PRKG1: variants seen among roughly 807,000 people sequenced by gnomAD.
PRKG1 encodes cGMP-dependent protein kinase 1.
Under a neutral mutation model 88.1 loss-of-function variants are expected in PRKG1, and 35 were observed. The observed-to-expected ratio is 0.40, with a 90% CI of 0.30 to 0.53. The LOEUF is 0.53. PRKG1 is among the 20% of genes least tolerant of loss of function. The pLI, the probability that PRKG1 is intolerant of heterozygous loss-of-function variation, is 0.59. For synonymous variants in PRKG1, 303 were observed against 292.5 expected, an observed-to-expected ratio of 1.04 and a Z score of -0.37; for missense variants, 540 against 839.8, an observed-to-expected ratio of 0.64 and a Z score of 4.41.
At chr10:51,663,272 G>A (rs1470317907) in intron 3 of PRKG1, among the ~76,000 whole-genome samples, 1 of 152,118 alleles carries the variant, frequency 6.6e-6, no homozygotes, top group Non-Finnish European at 1.5e-5. Flanking sequence ...GAGCAACGAT[G>A]TGGATGCCAT....
chr10:51,941,466 T>C (rs1317152805), intron 5 of PRKG1, among the ~76,000 whole-genome samples: 2 of 151,930 alleles, frequency 1.3e-5, no homozygotes, highest in Non-Finnish European at 2.9e-5. Flanking sequence ...TTTATTATTA[T>C]TATACTTTAA....
At chr10:51,628,000 CTCTCTCTCTCTTTCTT>C (rs1439984076) in intron 3 of PRKG1, among the ~76,000 whole-genome samples, 1 of 45,964 alleles carries the variant, frequency 2.2e-5, no homozygotes, top group African/African-American at 5.9e-5. Flanking sequence ...TTCTCTCTCT[CTCTCTCTCTCTTTCTT>C]TCTTTCTTTC....
intron 1 of PRKG1, among the ~76,000 whole-genome samples, chr10:51,056,233 A>G (rs2132776297): frequency 6.6e-6 from 1 of 152,302 alleles, no homozygotes; most frequent in South Asian, 2.1e-4. Context: ...AGTACTAGAT[A>G]TGCTATTTGT....
chr10:51,534,623 C>T (rs531074005), intron 3 of PRKG1, among the ~76,000 whole-genome samples: 17 of 147,794 alleles, frequency 1.2e-4, no homozygotes, highest in Admixed American at 3.4e-4. Context: ...GCCGAGATCA[C>T]GCCACTGCAC....
intron 3 of PRKG1, among the ~76,000 whole-genome samples, chr10:51,486,348 G>C (rs1454422829): frequency 6.6e-6 from 1 of 152,040 alleles, no homozygotes; most frequent in Non-Finnish European, 1.5e-5. Flanking sequence ...TAAGAGAGCA[G>C]GATGACTTTT....
At chr10:52,254,470 C>T (rs1841260922) in intron 10 of PRKG1, among the ~76,000 whole-genome samples, 1 of 151,926 alleles carries the variant, frequency 6.6e-6, no homozygotes, top group Admixed American at 6.6e-5. Context: ...CCATAAGTTA[C>T]ACTTTAATTT....
At chr10:51,914,450 A>T (rs910238040) in intron 5 of PRKG1, among the ~76,000 whole-genome samples, 7 of 152,174 alleles carry the variant, frequency 4.6e-5, no homozygotes, top group African/African-American at 1.7e-4. Context: ...CAAATTGGAG[A>T]ACCAAATTAA....
At chr10:51,488,899 A>G (rs909629636) in intron 3 of PRKG1, among the ~76,000 whole-genome samples, 1 of 152,066 alleles carries the variant, frequency 6.6e-6, no homozygotes, top group African/African-American at 2.4e-5. Flanking sequence ...GTGGACTACA[A>G]TCTCTTGTTT....
At chr10:51,151,478 A>C (rs1846070059) in intron 1 of PRKG1, among the ~76,000 whole-genome samples, 1 of 152,042 alleles carries the variant, frequency 6.6e-6, no homozygotes, top group South Asian at 2.1e-4. Context: ...AAATTCAGAA[A>C]AGTAAGACAA....
chr10:52,276,736 G>A (rs1292148856), intron 12 of PRKG1, among the ~76,000 whole-genome samples: 2 of 152,116 alleles, frequency 1.3e-5, no homozygotes, highest in Non-Finnish European at 2.9e-5. Flanking sequence ...AACTATTGAT[G>A]AAACAGGGTT....
At chr10:51,554,508 A>C (rs1482048097) in intron 3 of PRKG1, among the ~76,000 whole-genome samples, 2 of 150,114 alleles carry the variant, frequency 1.3e-5, no homozygotes, top group African/African-American at 4.9e-5. Flanking sequence ...ATGAATCCCT[A>C]ATCATTTATT....
intron 2 of PRKG1, among the ~76,000 whole-genome samples, chr10:51,278,579 G>T (rs1840199926): frequency 6.6e-6 from 1 of 152,050 alleles, no homozygotes; most frequent in South Asian, 2.1e-4. Context: ...GAATCCATCT[G>T]GTCCTGGACT....
chr10:52,250,620 A>G (rs1841146813), intron 9 of PRKG1, among the ~76,000 whole-genome samples: 1 of 152,214 alleles, frequency 6.6e-6, no homozygotes, highest in Admixed American at 6.5e-5. Context: ...CGGGTTATGC[A>G]TAGCTATTGA....
At chr10:51,630,108 T>G (rs1279444516) in intron 3 of PRKG1, among the ~76,000 whole-genome samples, 1 of 152,180 alleles carries the variant, frequency 6.6e-6, no homozygotes, top group Non-Finnish European at 1.5e-5. Flanking sequence ...TGAAATGTGC[T>G]GCCAGTGATG....
intron 3 of PRKG1, among the ~76,000 whole-genome samples, chr10:51,646,912 T>C (rs1839927699): frequency 6.6e-6 from 1 of 152,096 alleles, no homozygotes; most frequent in Admixed American, 6.6e-5. Context: ...CTTAATTCAA[T>C]GAAATTCTTC....
chr10:51,927,774 T>G (rs569658673), intron 5 of PRKG1, among the ~76,000 whole-genome samples: 1 of 152,244 alleles, frequency 6.6e-6, no homozygotes, highest in South Asian at 2.1e-4. Context: ...TCCTTGCACT[T>G]TTGTTATAAG....
Position 52,262,144 on chromosome 10 carries a change from C to A in PRKG1, c.1174-9206C>A, listed in dbSNP as rs137887468. ...CAGTTGTAATAGTAAAATATCATAT[C>A]TTGGAAATCATAGTAGTAATGATCA... On this transcript the variant is annotated intron_variant, in intron 10 of 17. Transcript: ENST00000373980. Among the ~76,000 whole-genome samples, 556 of 152,174 alleles carry A rather than the reference C, an allele frequency of 3.7e-3. 3 individuals are homozygous for A. The highest frequency in any genetic ancestry group is 0.012 in the African/African-American group (518 of 41,526).
chr10:51,501,920 C>A (rs988613678), intron 3 of PRKG1, among the ~76,000 whole-genome samples: 1 of 149,538 alleles, frequency 6.7e-6, no homozygotes, highest in African/African-American at 2.5e-5. Context: ...AAGAAGGTAT[C>A]TGTGGGTAGG....
intron 7 of PRKG1, among the ~76,000 whole-genome samples, chr10:52,090,236 A>G (rs1035455272): frequency 3.3e-5 from 5 of 152,098 alleles, no homozygotes; most frequent in African/African-American, 9.7e-5. Context: ...AGTGCTAGAA[A>G]GGAAGGAATG....
Sources: allele counts gnomAD v4.1 joint callset (sites outside exome capture counted in the v4.1 genomes callset), GRCh38; gene constraint gnomAD v4.1.1; transcripts MANE v1.5; gene names NCBI Gene and HGNC (gene_info 2026-07-23, HGNC 2026-07-21).